Variants in SGIP1 observed in about 807,000 individuals in gnomAD.
SGIP1 encodes the protein SH3-containing GRB2-like protein 3-interacting protein 1.
In SGIP1, 38 loss-of-function variants were observed where a neutral mutation model predicts 107.5. The ratio of observed to expected loss-of-function variants is 0.35; its 90% CI spans 0.27 to 0.46. The LOEUF (loss-of-function observed/expected upper bound fraction) is 0.46. SGIP1 is among the 20% of genes least tolerant of loss of function. The pLI, the probability that SGIP1 is intolerant of heterozygous loss-of-function variation, is 1.00. For missense variants in SGIP1, 929 were observed against 1,019.5 expected (o/e 0.91, Z 1.21); for synonymous variants, 365 against 366.1 (o/e 1.00, Z 0.03).
intron 8 of SGIP1, among the ~76,000 whole-genome samples, chr1:66,662,264 C>T (rs897826062): frequency 6.6e-6 from 1 of 152,148 alleles, no homozygotes; most frequent in African/African-American, 2.4e-5. Context: ...AACGAGACTA[C>T]AGAAAAGTCT....
At position 66,738,982 on chromosome 1, in the gene SGIP1, G is replaced by T. The variant is rs115493026; in HGVS notation, c.2032-353G>T. On this transcript the variant is annotated intron_variant, in intron 21 of 24. Coordinates refer to ENST00000371037, the MANE Select transcript of SGIP1 (RefSeq NM_032291.4). ...GTACAGAAGCTCAGAGAGGTTCTGAGCTAGGGACTTGTCCAAGATCACTCA... is the reference window on the plus strand; with the variant it reads ...GTACAGAAGCTCAGAGAGGTTCTGATCTAGGGACTTGTCCAAGATCACTCA... Among the ~76,000 whole-genome samples, 960 of 152,158 alleles carry T rather than the reference G, an allele frequency of 6.3e-3. 19 individuals carry two copies. Among genetic ancestry groups the T allele is most frequent in the African/African-American group, 0.022 (918 of 41,500 alleles).
chr1:66,555,604 G>A (rs2058065578), intron 1 of SGIP1, among the ~76,000 whole-genome samples: 2 of 152,238 alleles, frequency 1.3e-5, no homozygotes, highest in African/African-American at 4.8e-5. Flanking sequence ...CCCAATTCAT[G>A]TCAGAATTTT....
At position 66,684,304 on chromosome 1, in the gene SGIP1, G is replaced by A. The variant is rs541516674; in HGVS notation, c.1315+1935G>A. On this transcript the variant is annotated intron_variant, in intron 15 of 24. Coordinates refer to ENST00000371037, the MANE Select transcript of SGIP1 (RefSeq NM_032291.4). ...TACTGACACCCATCTACACTGCACAGTGTCATCGACAAGATCACCAAAAGT... is the reference window on the plus strand; with the variant it reads ...TACTGACACCCATCTACACTGCACAATGTCATCGACAAGATCACCAAAAGT... 3 of 1,421,090 alleles carry A rather than the reference G, an allele frequency of 2.1e-6. No individual in the cohort carries two copies. In the South Asian group the frequency reaches 4.1e-5, roughly 19 times the overall value. 88.0% of individuals were successfully genotyped at this position (1,421,090 alleles called of 1,614,324 possible).
chr1:66,682,783 G>A (rs2087071607), intron 15 of SGIP1, among the ~76,000 whole-genome samples: 1 of 149,928 alleles, frequency 6.7e-6, no homozygotes, highest in Non-Finnish European at 1.5e-5. Context: ...TGTGTTATGT[G>A]TGTATGTAGG....
chr1:66,581,346 G>A (rs1013641300), intron 1 of SGIP1, among the ~76,000 whole-genome samples: 2 of 151,700 alleles, frequency 1.3e-5, no homozygotes, highest in African/African-American at 4.8e-5. Context: ...TGTAAATAGG[G>A]GTAATAATAT....
chr1:66,686,190 A>G (rs1463741248), intron 15 of SGIP1, among the ~76,000 whole-genome samples: 3 of 152,214 alleles, frequency 2.0e-5, no homozygotes. Flanking sequence ...GTTGGATTCC[A>G]CGGCCTGTGC....
intron 22 of SGIP1, 71 bp from the exon 23 acceptor site, chr1:66,740,586 GA>G (rs999084599): frequency 2.6e-5 from 24 of 933,746 alleles, no homozygotes; most frequent in Middle Eastern, 2.3e-4. Context: ...ATACTATCTG[GA>G]AAAAAAACAT....
intron 18 of SGIP1, among the ~76,000 whole-genome samples, chr1:66,702,374 T>C (rs1472604020): frequency 6.6e-6 from 1 of 152,232 alleles, no homozygotes; most frequent in African/African-American, 2.4e-5. Flanking sequence ...TGCCACTCAA[T>C]AACCACGTGA....
chr1:66,643,895 T>A (rs1175378086), intron 7 of SGIP1, 176 bp downstream of exon 7: 21 of 457,908 alleles, frequency 4.6e-5, no homozygotes, highest in Non-Finnish European at 6.9e-5. Context: ...GTACTTATTT[T>A]ATATTGCAGT....
At chr1:66,542,594 G>A (rs912340594) in intron 1 of SGIP1, among the ~76,000 whole-genome samples, 6 of 152,278 alleles carry the variant, frequency 3.9e-5, no homozygotes, top group Admixed American at 1.3e-4. Flanking sequence ...GGACTGATTC[G>A]TGTCCCAGAC....
rs35762612 is a variant in SGIP1 at position 66,592,897 on chromosome 1, C to CTTTTTTTTTTTTTTTTTTTTTTTTTTT, written c.11-32946_11-32920dup. On this transcript the variant is annotated intron_variant, in intron 1 of 24. Coordinates refer to ENST00000371037, the MANE Select transcript of SGIP1 (RefSeq NM_032291.4). ...CTTTCCTTCTTTCTTTCTTCTTCTTCTTTTTTTTTTTTTTTTTTTTTTTTT... is the reference window on the plus strand; with the variant it reads ...CTTTCCTTCTTTCTTTCTTCTTCTTCTTTTTTTTTTTTTTTTTTTTTTTTTTTTTTTTTTTTTTTTTTTTTTTTTTTT... Among the ~76,000 whole-genome samples the CTTTTTTTTTTTTTTTTTTTTTTTTTTT allele has an allele frequency of 1.6e-4, 9 of 56,340 alleles. 1 individual carries two copies. Among genetic ancestry groups the CTTTTTTTTTTTTTTTTTTTTTTTTTTT allele is most frequent in the African/African-American group, 6.0e-4 (7 of 11,628 alleles). The allele number at this position is 56,340 out of a possible 152,430, so 37.0% of individuals were successfully genotyped here. A position where few individuals can be genotyped will look rare whatever the true frequency, so the allele number is the denominator to read the frequency against.
chr1:66,699,741 T>C (rs1358224718), intron 18 of SGIP1, among the ~76,000 whole-genome samples: 1 of 152,030 alleles, frequency 6.6e-6, no homozygotes, highest in Non-Finnish European at 1.5e-5. Context: ...ACAGAAAAAA[T>C]ACCTGTCCCC....
chr1:66,689,264 G>C lies in SGIP1; in HGVS notation c.1432G>C (p.Val478Leu), dbSNP rs2089268627. The C allele has an allele frequency of 6.2e-7, 1 of 1,613,534 alleles. No individual in the cohort carries two copies. The highest frequency in any genetic ancestry group is 8.5e-7 in the Non-Finnish European group (1 of 1,179,676). ...AAAGCTACCTCCAGGAAAACCTGGA[G>C]TTGGAGATGTGGTATGTTCCCTTCT... ...RPKLPPGKPG[V>L]GDVSRPFSPP... is the part of the protein sequence containing the mutation. Residue 478 changes from valine to leucine, a missense_variant, in exon 16 of 25, where the codon GTT (valine) becomes CTT (leucine). Val to Leu is a conservative substitution (Grantham distance 32). Coordinates refer to ENST00000371037, the MANE Select transcript of SGIP1 (RefSeq NM_032291.4).
chr1:66,737,928 C>T lies in SGIP1; in HGVS notation c.2032-1407C>T, dbSNP rs928228250. ...AGTTTCTGGCCCGATAGCATCCCCCCAGAAATTGGGACGATCAAAAACACA... is the reference window on the plus strand; with the variant it reads ...AGTTTCTGGCCCGATAGCATCCCCCTAGAAATTGGGACGATCAAAAACACA... On this transcript the variant is annotated intron_variant, in intron 21 of 24. Coordinates refer to ENST00000371037, the MANE Select transcript of SGIP1 (RefSeq NM_032291.4). Among the ~76,000 whole-genome samples the T allele has an allele frequency of 2.6e-5, 4 of 151,894 alleles. No individual in the cohort carries two copies. The East Asian group carries it at 7.7e-4, about 29-fold the overall frequency.
chr1:66,577,266 T>G (rs928982340), intron 1 of SGIP1, among the ~76,000 whole-genome samples: 4 of 152,208 alleles, frequency 2.6e-5, no homozygotes, highest in African/African-American at 9.6e-5. Flanking sequence ...ACTCAGTTCA[T>G]GGCATGTGCT....
At chr1:66,667,285 A>C (rs2082786492) in intron 8 of SGIP1, among the ~76,000 whole-genome samples, 1 of 152,204 alleles carries the variant, frequency 6.6e-6, no homozygotes, top group Non-Finnish European at 1.5e-5. Context: ...CACATAACTA[A>C]AACTTACATA....
intron 1 of SGIP1, among the ~76,000 whole-genome samples, chr1:66,535,421 C>T (rs1357627592): frequency 1.3e-5 from 2 of 152,156 alleles, no homozygotes; most frequent in Admixed American, 6.5e-5. Flanking sequence ...CAAGGTTTGT[C>T]CTACGGATTT....
At chr1:66,734,719 T>C (rs1215200164) in intron 21 of SGIP1, among the ~76,000 whole-genome samples, 1 of 152,138 alleles carries the variant, frequency 6.6e-6, no homozygotes, top group Admixed American at 6.5e-5. Flanking sequence ...TTGGCTATGC[T>C]GGTCTGGAAC....
chr1:66,681,112 A>T lies in SGIP1; in HGVS notation c.815-757A>T, dbSNP rs994445731. 4.6e-5 allele frequency among the ~76,000 whole-genome samples: 7 copies of T among 152,220 alleles called. 1 individual carries two copies. Among genetic ancestry groups the T allele is most frequent in the Non-Finnish European group, 7.3e-5 (5 of 68,038 alleles). On this transcript the variant is annotated intron_variant, in intron 14 of 24. Coordinates refer to ENST00000371037, the MANE Select transcript of SGIP1 (RefSeq NM_032291.4). The stretch of plus-strand genomic sequence containing the variant: ...TAATGAGAAAAGAAATTATTTAAAA[A>T]TTTTTAAATTATTTTCTTCTCCATT...
Sources: allele counts gnomAD v4.1 joint callset (sites outside exome capture counted in the v4.1 genomes callset), GRCh38; gene constraint gnomAD v4.1.1; transcripts MANE v1.5; gene names NCBI Gene and HGNC (gene_info 2026-07-23, HGNC 2026-07-21).